Variants in TMEM106C observed in about 807,000 individuals in gnomAD.
TMEM106C encodes the protein transmembrane protein 106C, also known as endoplasmic reticulum membrane protein overexpressed in cancer.
TMEM106C carries 27 observed loss-of-function variants against 30.8 expected under a neutral mutation model. The ratio of observed to expected loss-of-function variants is 0.88; its 90% CI spans 0.65 to 1.21. The LOEUF is 1.21. Among genes scored for constraint, TMEM106C ranks in the 50% most tolerant of loss-of-function variants. The pLI, the probability that TMEM106C is intolerant of heterozygous loss-of-function variation, is 0.00. For synonymous variants in TMEM106C, 123 were observed against 118.8 expected (o/e 1.04, Z -0.23); for missense variants, 288 against 307.8 (o/e 0.94, Z 0.48).
chr12:47,967,370 A>T, intron 7 of TMEM106C, 109 bp downstream of exon 7: 2 of 1,097,500 alleles, frequency 1.8e-6, no homozygotes. Context: ...GCCCGAGGGG[A>T]CACCCTGTGC....
intron 7 of TMEM106C, 113 bp downstream of exon 7, chr12:47,967,374 C>T (rs757151805): frequency 1.9e-6 from 2 of 1,035,292 alleles, no homozygotes; most frequent in East Asian, 2.4e-5. Flanking sequence ...GAGGGGACAC[C>T]CTGTGCCTCA....
intron 6 of TMEM106C, 166 bp downstream of exon 6, chr12:47,966,898 G>C: frequency 1.5e-6 from 1 of 686,762 alleles, no homozygotes; most frequent in Non-Finnish European, 2.5e-6. Flanking sequence ...TTATTATTAT[G>C]TGTGTATTTG....
At chr12:47,967,005 TG>T in intron 6 of TMEM106C, 1 of 668,654 alleles carries the variant, frequency 1.5e-6, no homozygotes, top group Non-Finnish European at 2.6e-6. Flanking sequence ...ACTTATGTGA[TG>T]GGTTTGAAAA....
chr12:47,964,358 T>A lies in TMEM106C; in HGVS notation c.122T>A (p.Val41Glu), dbSNP rs769022899. Reference protein sequence around the residue: ...QEEAIAQFPYVEFTGRDSITC... With the variant: ...QEEAIAQFPYEEFTGRDSITC... ...GAAGCCATTGCTCAGTTCCCATATGTGGAATTCACCGGGAGAGATAGCATC... is the reference window on the plus strand; with the variant it reads ...GAAGCCATTGCTCAGTTCCCATATGAGGAATTCACCGGGAGAGATAGCATC... Residue 41 changes from valine (V) to glutamate (E), a missense_variant, in exon 2 of 8, where the codon GTG becomes GAG. Physicochemically the swap from Val to Glu is moderately radical, Grantham distance 121 (BLOSUM62 -2). Transcript: ENST00000429772. The A allele has an allele frequency of 1.9e-6, 3 of 1,614,176 alleles. No individual in the cohort carries two copies. Among genetic ancestry groups the A allele is most frequent in the East Asian group, 4.5e-5 (2 of 44,880 alleles).
In TMEM106C at chr12:47,968,359, A is replaced by G. The variant is rs777261508; in HGVS notation, c.*130A>G. 4.0e-6 allele frequency: 3 copies of G among 741,332 alleles called. No individual in the cohort carries two copies. The highest frequency in any genetic ancestry group is 2.9e-5 in the South Asian group (2 of 69,236). The allele number at this position is 741,332 out of a possible 1,614,324, so 45.9% of individuals were successfully genotyped here. A position where few individuals can be genotyped will look rare whatever the true frequency, so the allele number is the denominator to read the frequency against. The stretch of plus-strand genomic sequence containing the variant: ...GAATTGGTTCACTTAACTCCCAGCA[A>G]ACATCCTCCTGCCACTTAGGAGGAA... On this transcript the variant is annotated 3_prime_UTR_variant, in exon 8 of 8. Transcript: ENST00000429772.
intron 6 of TMEM106C, 80 bp from the exon 7 acceptor site, chr12:47,967,128 A>G (rs1938255240): frequency 6.8e-7 from 1 of 1,463,042 alleles, no homozygotes; most frequent in South Asian, 1.1e-5. Context: ...CACCCCAAAC[A>G]GGACAGTGTA....
chr12:47,963,795 C>A (rs779682537), intron 1 of TMEM106C, 91 bp downstream of exon 1: 131 of 212,264 alleles, frequency 6.2e-4, no homozygotes, highest in Non-Finnish European at 1.0e-3. Flanking sequence ...GAGCCCGCCT[C>A]CTGGGGCTGG....
intron 2 of TMEM106C, among the ~76,000 whole-genome samples, 183 bp from the exon 3 acceptor site, chr12:47,965,099 A>T (rs1158603835): frequency 1.3e-5 from 2 of 152,200 alleles, no homozygotes; most frequent in Non-Finnish European, 2.9e-5. Flanking sequence ...GCACTGATAG[A>T]TGTTTTATAA....
chr12:47,966,670 A>G lies in TMEM106C; in HGVS notation c.553-13A>G. 6.2e-7 allele frequency: 1 copy of G among 1,614,138 alleles called. No individual in the cohort carries two copies. Among genetic ancestry groups the G allele is most frequent in the Non-Finnish European group, 8.5e-7 (1 of 1,179,994 alleles). ...TGCTTGGCCACAGACCAACTCTGGTATCTTATTTTCAGGTGAATTTTACCG... is the reference window on the plus strand; with the variant it reads ...TGCTTGGCCACAGACCAACTCTGGTGTCTTATTTTCAGGTGAATTTTACCG... On this transcript the variant is annotated splice_polypyrimidine_tract_variant and intron_variant, in intron 5 of 7. Transcript: ENST00000429772.
chr12:47,965,859 C>G lies in TMEM106C; in HGVS notation c.273C>G (p.Ser91=), dbSNP rs1276364083. The change falls in exon 4 of 8, where the codon TCC becomes TCG. Residue 91 remains serine, a synonymous_variant. Coordinates refer to ENST00000429772, the MANE Select transcript of TMEM106C (RefSeq NM_001143842.2). ...PQRTKQYVLL[S]ILLCLLASGL... ...GCAGTAAGCAATATGTCCTCCTGTC[C>G]ATCCTGCTTTGTCTCCTGGCATCTG... 3 of 1,614,092 alleles carry G rather than the reference C, an allele frequency of 1.9e-6. No homozygotes were observed. The African/African-American group carries it at 4.0e-5, about 22-fold the overall frequency.
In TMEM106C at chr12:47,967,245, A is replaced by T. The variant is rs370077471; in HGVS notation, c.640A>T (p.Ile214Leu). 6.2e-7 allele frequency: 1 copy of T among 1,613,930 alleles called. No individual in the cohort carries two copies. The highest frequency in any genetic ancestry group is 2.2e-5 in the East Asian group (1 of 44,872). The part of the protein sequence containing the change: ...CTVPEILVHN[I>L]VIFMRTSVKI... ...GGTACCTGAGATCCTGGTGCACAAC[A>T]TAGTGATCTTCATGCGGTGCGTCTC... is the stretch of plus-strand genomic sequence containing the variant. Residue 214 changes from isoleucine to leucine, a missense_variant, in exon 7 of 8, where the codon ATA becomes TTA. By Grantham distance (5) the Ile-to-Leu change is conservative. Coordinates refer to ENST00000429772, the MANE Select transcript of TMEM106C (RefSeq NM_001143842.2).
chr12:47,968,004 A>G, intron 7 of TMEM106C, 129 bp from the exon 8 acceptor site: 1 of 646,548 alleles, frequency 1.5e-6, no homozygotes, highest in East Asian at 2.7e-5. Context: ...TGGTTACATA[A>G]CCATGAGGAT....
chr12:47,965,345 C>T lies in TMEM106C; in HGVS notation c.251C>T (p.Thr84Ile), dbSNP rs140955399. 6.2e-6 allele frequency: 10 copies of T among 1,613,842 alleles called. No homozygotes were observed. Among genetic ancestry groups the T allele is most frequent in the Admixed American group, 5.0e-5 (3 of 59,984 alleles). The change falls in exon 3 of 8, where the codon ACT (threonine) becomes ATT (isoleucine). Residue 84 changes from threonine to isoleucine, a missense_variant and splice_region_variant. Thr to Ile is a moderately conservative substitution (Grantham distance 89). Transcript: ENST00000429772. ...HSDQRLRPQR[T>I]KQYVLLSILL... Reference sequence around the variant, plus strand: ...GATCAGAGATTGCGCCCTCAGCGAACGTGAGTTACCTGCTTCTCACCTGTT... The same window carrying T: ...GATCAGAGATTGCGCCCTCAGCGAATGTGAGTTACCTGCTTCTCACCTGTT...
intron 5 of TMEM106C, 77 bp from the exon 6 acceptor site, chr12:47,966,606 C>A (rs12721422): frequency 6.6e-7 from 1 of 1,506,834 alleles, no homozygotes. Flanking sequence ...GACCCAAGGT[C>A]TTTGGATTGC....
Position 47,964,365 on chromosome 12 carries a change from C to T in TMEM106C, c.129C>T (p.Phe43=), listed in dbSNP as rs1938150843. ...TTGCTCAGTTCCCATATGTGGAATT[C>T]ACCGGGAGAGATAGCATCACCTGTC... is the stretch of plus-strand genomic sequence containing the variant. ...EAIAQFPYVE[F]TGRDSITCLT... Residue 43 remains phenylalanine, a synonymous_variant, in exon 2 of 8, where the codon TTC becomes TTT. Coordinates refer to ENST00000429772, the MANE Select transcript of TMEM106C (RefSeq NM_001143842.2). The T allele has an allele frequency of 1.9e-6, 3 of 1,614,168 alleles. No individual in the cohort carries two copies. The highest frequency in any genetic ancestry group is 4.5e-5 in the East Asian group (2 of 44,876).
intron 3 of TMEM106C, 87 bp downstream of exon 3, chr12:47,965,432 A>G: frequency 8.2e-7 from 1 of 1,223,044 alleles, no homozygotes. Flanking sequence ...TTCTTTGAAA[A>G]CTACACATGT....
At position 47,967,216 on chromosome 12, in the gene TMEM106C, G is replaced by A. The variant is rs775628092; in HGVS notation, c.611G>A (p.Cys204Tyr). Residue 204 changes from cysteine to tyrosine, a missense_variant, in exon 7 of 8, where the codon TGC (cysteine) becomes TAC (tyrosine). Cys to Tyr is a radical substitution (Grantham distance 194). Transcript: ENST00000429772. ...TATTTGCTGTTTGGTAGCTTCTTCT[G>A]CACGGTACCTGAGATCCTGGTGCAC... Reference protein sequence around the residue: ...GGPFSYVYFFCTVPEILVHNI... With the variant: ...GGPFSYVYFFYTVPEILVHNI... 1 of 1,613,734 alleles carries A rather than the reference G, an allele frequency of 6.2e-7. No individual in the cohort carries two copies. The highest frequency in any genetic ancestry group is 2.2e-5 in the East Asian group (1 of 44,870).
At chr12:47,968,096 AAACATAATT>A in intron 7 of TMEM106C, 28 bp from the exon 8 acceptor site, 1 of 1,568,810 alleles carries the variant, frequency 6.4e-7, no homozygotes, top group African/African-American at 1.4e-5. Context: ...TTCATCCCCC[AAACATAATT>A]AATTCTTCTT....
chr12:47,964,253 C>G lies in TMEM106C; in HGVS notation c.17C>G (p.Ser6Cys). Residue 6 changes from serine (S) to cysteine (C), a missense_variant, in exon 2 of 8, where the codon TCC becomes TGC. Transcript: ENST00000429772. ...ATCACGGCCATGGGGTCTCAGCATT[C>G]CGCTGCTGCTCGCCCCTCCTCCTGC... MGSQH[S>C]AAARPSSCRR... The G allele has an allele frequency of 6.2e-7, 1 of 1,613,278 alleles. No homozygotes were observed. The highest frequency in any genetic ancestry group is 1.1e-5 in the South Asian group (1 of 90,840).
Sources: gnomAD v4.1 joint callset for allele counts (sites outside exome capture counted in the v4.1 genomes callset) on GRCh38, gnomAD v4.1.1 for gene constraint, MANE v1.5 for transcripts, NCBI Gene and HGNC (gene_info 2026-07-23, HGNC 2026-07-21) for gene names.